The following CNTNAP5 variants were observed in gnomAD, a reference collection of about 807,000 sequenced individuals.
The protein encoded by CNTNAP5 is contactin associated protein family member 5.
CNTNAP5 carries 72 observed loss-of-function variants against 150.2 expected under a neutral mutation model. That is an observed-to-expected ratio of 0.48 (90% confidence interval 0.40 to 0.58). The LOEUF (loss-of-function observed/expected upper bound fraction) is 0.58, where lower values mean the gene tolerates loss of function less well. Among genes scored for constraint, CNTNAP5 ranks in the 20% least tolerant of loss-of-function variants. CNTNAP5 has a pLI of 0.00. For missense variants in CNTNAP5, 1,636 were observed against 1,626.2 expected, an observed-to-expected ratio of 1.01 and a Z score of -0.10; for synonymous variants, 672 against 619.8, an observed-to-expected ratio of 1.08 and a Z score of -1.25.
intron 3 of CNTNAP5, among the ~76,000 whole-genome samples, chr2:124,322,426 C>A (rs1395237479): frequency 6.6e-6 from 1 of 152,086 alleles, no homozygotes; most frequent in Admixed American, 6.6e-5. Context: ...GAGGGCTTAT[C>A]ATCTGTAGAT....
At chr2:124,400,689 G>GTTTTTTTT (rs3034760) in intron 3 of CNTNAP5, among the ~76,000 whole-genome samples, 1 of 95,694 alleles carries the variant, frequency 1.0e-5, no homozygotes, top group Non-Finnish European at 2.2e-5. Context: ...TTTTTTTTTT[G>GTTTTTTTT]TTTTTTTTCT....
At chr2:124,725,589 T>G (rs1375232030) in intron 13 of CNTNAP5, among the ~76,000 whole-genome samples, 1 of 151,790 alleles carries the variant, frequency 6.6e-6, no homozygotes, top group African/African-American at 2.4e-5. Context: ...CACTTAAGAT[T>G]TACTCTTTTG....
chr2:124,485,474 G>A (rs1472706525), intron 7 of CNTNAP5, among the ~76,000 whole-genome samples: 4 of 151,822 alleles, frequency 2.6e-5, no homozygotes, highest in South Asian at 2.1e-4. Flanking sequence ...TTAACCAGGC[G>A]TGGTGGCGGG....
At chr2:124,900,278 T>C (rs1678388962) in intron 21 of CNTNAP5, among the ~76,000 whole-genome samples, 1 of 151,622 alleles carries the variant, frequency 6.6e-6, no homozygotes, top group South Asian at 2.1e-4. Context: ...ATCAAATTAT[T>C]ATAGCATACT....
chr2:124,535,588 C>T (rs547598625), intron 10 of CNTNAP5, among the ~76,000 whole-genome samples: 1 of 149,374 alleles, frequency 6.7e-6, no homozygotes, highest in African/African-American at 2.5e-5. Flanking sequence ...ATGGTGAAAC[C>T]CCGTCTCTAC....
At chr2:124,706,186 A>G (rs534683838) in intron 13 of CNTNAP5, among the ~76,000 whole-genome samples, 1 of 152,298 alleles carries the variant, frequency 6.6e-6, no homozygotes, top group East Asian at 1.9e-4. Context: ...TTCCCTTTCC[A>G]AATGTTAGAA....
At chr2:124,359,377 G>A (rs945457207) in intron 3 of CNTNAP5, among the ~76,000 whole-genome samples, 40 of 151,706 alleles carry the variant, frequency 2.6e-4, no homozygotes, top group South Asian at 1.5e-3. Flanking sequence ...TGCTTTTCTC[G>A]TTCTTTTAAT....
chr2:124,081,964 T>A (rs1393613776), intron 1 of CNTNAP5, among the ~76,000 whole-genome samples: 1 of 152,180 alleles, frequency 6.6e-6, no homozygotes, highest in Non-Finnish European at 1.5e-5. Context: ...ATTGCCCTTT[T>A]ATAGTCAGTT....
At chr2:124,110,341 T>G (rs1683266419) in intron 1 of CNTNAP5, among the ~76,000 whole-genome samples, 1 of 152,176 alleles carries the variant, frequency 6.6e-6, no homozygotes, top group Non-Finnish European at 1.5e-5. Flanking sequence ...CTATCTGGAC[T>G]CATATAATCG....
chr2:124,028,604 T>C (rs1245159135), intron 1 of CNTNAP5, among the ~76,000 whole-genome samples: 2 of 152,154 alleles, frequency 1.3e-5, no homozygotes, highest in Non-Finnish European at 2.9e-5. Context: ...CCTGAGGGAA[T>C]TAGTTAACAT....
chr2:124,692,267 C>T (rs1679314814), intron 13 of CNTNAP5, among the ~76,000 whole-genome samples: 1 of 152,060 alleles, frequency 6.6e-6, no homozygotes, highest in Non-Finnish European at 1.5e-5. Flanking sequence ...CAAACAATAG[C>T]TCATGTGGCC....
intron 13 of CNTNAP5, among the ~76,000 whole-genome samples, chr2:124,678,347 C>T (rs72845877): frequency 0.021 from 3,262 of 151,918 alleles, 62 homozygotes; most frequent in Middle Eastern, 0.037. Flanking sequence ...TGAGCAATTA[C>T]TGGGTGTCTT....
chr2:124,776,199 A>G (rs542404731), intron 17 of CNTNAP5, among the ~76,000 whole-genome samples: 1 of 152,286 alleles, frequency 6.6e-6, no homozygotes, highest in East Asian at 1.9e-4. Context: ...CGGCAATTAT[A>G]GAGTGGAAAT....
chr2:124,389,028 A>G (rs1040044147), intron 3 of CNTNAP5, among the ~76,000 whole-genome samples: 3 of 152,198 alleles, frequency 2.0e-5, no homozygotes, highest in Non-Finnish European at 4.4e-5. Flanking sequence ...CAGAGAGGCT[A>G]CAGGAACGCC....
intron 18 of CNTNAP5, among the ~76,000 whole-genome samples, chr2:124,793,843 G>A (rs1041441579): frequency 6.6e-6 from 1 of 151,988 alleles, no homozygotes; most frequent in African/African-American, 2.4e-5. Flanking sequence ...CTGTCATAGT[G>A]TTTTAATTTA....
At chr2:124,474,658 C>A in intron 6 of CNTNAP5, 81 bp from the exon 7 acceptor site, 1 of 1,262,556 alleles carries the variant, frequency 7.9e-7, no homozygotes, top group South Asian at 1.7e-5. Context: ...TTGAATCTAC[C>A]AAAAACGCAC....
chr2:124,730,854 G>T (rs1187972816), intron 13 of CNTNAP5, among the ~76,000 whole-genome samples: 1 of 152,040 alleles, frequency 6.6e-6, no homozygotes, highest in East Asian at 1.9e-4. Context: ...ATCATAAACA[G>T]GAGAGTGGTT....
chr2:124,742,763 T>C lies in CNTNAP5; in HGVS notation c.2078-4466T>C, dbSNP rs535626033. Among the ~76,000 whole-genome samples the C allele has an allele frequency of 1.2e-4, 18 of 152,252 alleles. No homozygotes were observed. In the South Asian group the frequency reaches 3.7e-3, roughly 32 times the overall value. On this transcript the variant is annotated intron_variant, in intron 13 of 23. Coordinates refer to ENST00000682447, the MANE Select transcript of CNTNAP5 (RefSeq NM_001367498.1). ...GTAAACTCATGCAATTCCTCAGTCG[T>C]ATTTTTTTTATACCCTGCTTACAGA...
rs1678862743 is a variant in CNTNAP5, at chr2:124,921,150, GA to G, written c.*6865del. 6.6e-6 allele frequency among the ~76,000 whole-genome samples: 1 copy of G among 152,088 alleles called. No individual in the cohort carries two copies. Among genetic ancestry groups the G allele is most frequent in the Non-Finnish European group, 1.5e-5 (1 of 67,990 alleles). On this transcript the variant is annotated 3_prime_UTR_variant, in exon 24 of 24. Transcript: ENST00000682447. ...TTTCTATGGTTATTGTTGTACAGAA[GA>G]AAGACAAACTGTAAATAATGTATAT...
Sources: allele counts gnomAD v4.1 joint callset (sites outside exome capture counted in the v4.1 genomes callset), GRCh38; gene constraint gnomAD v4.1.1; transcripts MANE v1.5; gene names NCBI Gene and HGNC (gene_info 2026-07-23, HGNC 2026-07-21).